The following SERINC5 variants were observed in gnomAD, a reference collection of about 807,000 sequenced individuals.
SERINC5 encodes the protein chromosome 5 open reading frame 12.
Under a neutral mutation model 63.1 loss-of-function variants are expected in SERINC5, and 41 were observed. That is an observed-to-expected ratio of 0.65 (90% CI 0.51 to 0.84). The LOEUF (loss-of-function observed/expected upper bound fraction) is 0.84, where lower values mean the gene tolerates loss of function less well. SERINC5 is among the 40% of genes least tolerant of loss of function. The pLI is 0.00. For missense variants in SERINC5, 523 were observed against 573.0 expected (o/e 0.91, Z 0.89); for synonymous variants, 222 against 215.2 (o/e 1.03, Z -0.28).
In SERINC5 at chr5:80,139,808, G is replaced by A; in HGVS notation, c.*3855C>T. 1.1e-5 allele frequency: 11 copies of A among 985,436 alleles called. No homozygotes were observed. Among genetic ancestry groups the A allele is most frequent in the Non-Finnish European group, 1.3e-5 (11 of 829,960 alleles). The allele number at this position is 985,436 out of a possible 1,614,324, so 61.0% of individuals were successfully genotyped here. On this transcript the variant is annotated 3_prime_UTR_variant, in exon 12 of 12. Transcript: ENST00000507668. Reference sequence around the variant, plus strand: ...AGGGCCCAGTGTTCTTTCTGGGTGTGTAAGGTCTTACTTAGTTCAAGGTTT... The same window carrying A: ...AGGGCCCAGTGTTCTTTCTGGGTGTATAAGGTCTTACTTAGTTCAAGGTTT...
rs60468645 is a variant in SERINC5, at chr5:80,165,535, GTTAC to G, written c.859+844_859+847del. 7.9e-5 allele frequency among the ~76,000 whole-genome samples: 12 copies of G among 152,308 alleles called. No homozygotes were observed. The East Asian group carries it at 1.5e-3, about 20-fold the overall frequency. ...AGAGAGGATAAGTAAGTTTCTGCAA[GTTAC>G]TTAAGTAGCAGGATCAGTCTATAAA... On this transcript the variant is annotated intron_variant, in intron 7 of 11. Coordinates refer to ENST00000507668, the MANE Select transcript of SERINC5 (RefSeq NM_001174072.3).
intron 7 of SERINC5, 86 bp downstream of exon 7, chr5:80,166,297 C>T: frequency 1.0e-6 from 1 of 965,238 alleles, no homozygotes; most frequent in Non-Finnish European, 1.6e-6. Context: ...TCTCCAAGGC[C>T]TCTCCAATAT....
chr5:80,120,284 C>T (rs1744492258), intron 11 of SERINC5, among the ~76,000 whole-genome samples: 1 of 152,186 alleles, frequency 6.6e-6, no homozygotes, highest in Non-Finnish European at 1.5e-5. Flanking sequence ...GTTATAGTAC[C>T]TATTCTTGGC....
At chr5:80,218,585 G>C (rs1284926285) in intron 1 of SERINC5, among the ~76,000 whole-genome samples, 1 of 151,394 alleles carries the variant, frequency 6.6e-6, no homozygotes, top group Non-Finnish European at 1.5e-5. Flanking sequence ...TGAGGCAGGA[G>C]AATCACTTGA....
chr5:80,147,755 G>C (rs940984355), intron 9 of SERINC5, among the ~76,000 whole-genome samples: 3 of 152,262 alleles, frequency 2.0e-5, no homozygotes, highest in African/African-American at 7.2e-5. Flanking sequence ...CTCTGCTTCT[G>C]GAGAACTCAA....
intron 2 of SERINC5, among the ~76,000 whole-genome samples, chr5:80,187,172 A>C (rs964631234): frequency 2.6e-5 from 4 of 152,174 alleles, no homozygotes; most frequent in Non-Finnish European, 5.9e-5. Flanking sequence ...TCTCAAAAAA[A>C]AGAAAAAAGA....
rs768783800 is a variant in SERINC5, at chr5:80,150,983, TA to T, written c.987-36del. ...AGACAAAAACGTCAGCTGGGCATAT[TA>T]ACACATTACAACACATGGAATGAAG... On this transcript the variant is annotated intron_variant, in intron 8 of 11. Coordinates refer to ENST00000507668, the MANE Select transcript of SERINC5 (RefSeq NM_001174072.3). The T allele has an allele frequency of 9.2e-6, 14 of 1,518,670 alleles. No homozygotes were observed. In the African/African-American group the frequency reaches 1.8e-4, roughly 19 times the overall value. The allele number at this position is 1,518,670 out of a possible 1,614,324, so 94.1% of individuals were successfully genotyped here.
chr5:80,220,003 T>A (rs1259218341), intron 1 of SERINC5, among the ~76,000 whole-genome samples: 2 of 150,510 alleles, frequency 1.3e-5, no homozygotes, highest in African/African-American at 4.9e-5. Flanking sequence ...AGGTCAGGAG[T>A]TCAAGACCAG....
downstream of SERINC5, among the ~76,000 whole-genome samples, chr5:80,136,261 C>A (rs1383367645): frequency 1.3e-5 from 2 of 149,674 alleles, no homozygotes; most frequent in Non-Finnish European, 3.0e-5. Flanking sequence ...CCAGCCTAGG[C>A]AAGAGACCTC....
chr5:80,179,953 T>A (rs890718397), intron 2 of SERINC5, among the ~76,000 whole-genome samples: 1 of 152,198 alleles, frequency 6.6e-6, no homozygotes, highest in Non-Finnish European at 1.5e-5. Flanking sequence ...AAACCCAATA[T>A]CCTGTTTTAA....
At chr5:80,166,697 C>CATCA in intron 6 of SERINC5, 1 of 417,682 alleles carries the variant, frequency 2.4e-6, no homozygotes, top group East Asian at 4.8e-5. Flanking sequence ...ACTTCAAAGA[C>CATCA]ATCAGGTTCT....
chr5:80,114,432 T>C (rs13153191), intron 11 of SERINC5: 1 of 157,292 alleles, frequency 6.4e-6, no homozygotes, highest in African/African-American at 2.4e-5. Flanking sequence ...GGCAGGCAGA[T>C]CACTTGAGGT....
chr5:80,187,895 GACT>G (rs1208151408), intron 2 of SERINC5, among the ~76,000 whole-genome samples: 1 of 151,984 alleles, frequency 6.6e-6, no homozygotes, highest in East Asian at 1.9e-4. Flanking sequence ...ACTCCCAGAA[GACT>G]GACTAATTAA....
intron 2 of SERINC5, among the ~76,000 whole-genome samples, chr5:80,190,106 C>CTTTT (rs11422784): frequency 1.8e-3 from 168 of 93,204 alleles, no homozygotes; most frequent in Non-Finnish European, 2.1e-3. Flanking sequence ...GTCTCCCGTA[C>CTTTT]TTTTTTTTTT....
chr5:80,137,263 G>A (rs1386390173), downstream of SERINC5, among the ~76,000 whole-genome samples: 1 of 150,864 alleles, frequency 6.6e-6, no homozygotes, highest in Non-Finnish European at 1.5e-5. Context: ...GTATGTCAAA[G>A]AGATATCCAT....
rs1219556727 is a variant in SERINC5 at position 80,255,992 on chromosome 5, G to T, written c.-70C>A. ...GCACGGGCCCTCCTGGCTGCCTCGC[G>T]CCTCGAGCGCTGGGCTCAGCCGCAG... On this transcript the variant is annotated 5_prime_UTR_variant, in exon 1 of 12. Transcript: ENST00000507668. 1 of 1,409,936 alleles carries T rather than the reference G, an allele frequency of 7.1e-7. No homozygotes were observed. The highest frequency in any genetic ancestry group is 9.3e-7 in the Non-Finnish European group (1 of 1,075,860). The allele number at this position is 1,409,936 out of a possible 1,614,324, so 87.3% of individuals were successfully genotyped here.
At chr5:80,147,474 C>T (rs954840795) in intron 9 of SERINC5, among the ~76,000 whole-genome samples, 190 bp from the exon 10 acceptor site, 2 of 152,202 alleles carry the variant, frequency 1.3e-5, no homozygotes, top group Admixed American at 6.5e-5. Context: ...GATCCTCATC[C>T]GTGGACTTGG....
chr5:80,193,921 A>G (rs1387014108), intron 2 of SERINC5, among the ~76,000 whole-genome samples: 1 of 152,194 alleles, frequency 6.6e-6, no homozygotes, highest in Non-Finnish European at 1.5e-5. Context: ...CTTGGAGGGG[A>G]GGGAACTCAG....
intron 10 of SERINC5, 119 bp from the exon 11 acceptor site, chr5:80,146,353 G>C: frequency 8.4e-7 from 1 of 1,191,010 alleles, no homozygotes; most frequent in African/African-American, 1.5e-5. Flanking sequence ...AAAGCCATCT[G>C]TACCCTCTGG....
Sources: allele counts gnomAD v4.1 joint callset (sites outside exome capture counted in the v4.1 genomes callset), GRCh38; gene constraint gnomAD v4.1.1; transcripts MANE v1.5; gene names NCBI Gene and HGNC (gene_info 2026-07-23, HGNC 2026-07-21).